Variants in JAZF1 observed in about 807,000 individuals in gnomAD.
JAZF1 encodes the protein juxtaposed with another zinc finger protein 1.
A neutral mutation model predicts 26.4 loss-of-function variants in JAZF1; 8 were observed. The ratio of observed to expected loss-of-function variants is 0.30; its 90% CI spans 0.18 to 0.55. The LOEUF is 0.55. Among genes scored for constraint, JAZF1 ranks in the 20% least tolerant of loss-of-function variants. The pLI, the probability that JAZF1 is intolerant of heterozygous loss-of-function variation, is 0.94. For missense variants in JAZF1, 199 were observed against 322.0 expected, an observed-to-expected ratio of 0.62 and a Z score of 2.92; for synonymous variants, 126 against 122.3, an observed-to-expected ratio of 1.03 and a Z score of -0.20.
chr7:28,013,696 A>C (rs896371964), intron 1 of JAZF1, among the ~76,000 whole-genome samples: 1 of 152,128 alleles, frequency 6.6e-6, no homozygotes, highest in Non-Finnish European at 1.5e-5. Flanking sequence ...AAGGATAGTA[A>C]TTCTATGAGG....
At chr7:28,102,246 CA>C (rs1784483385) in intron 1 of JAZF1, among the ~76,000 whole-genome samples, 1 of 152,226 alleles carries the variant, frequency 6.6e-6, no homozygotes, top group Admixed American at 6.5e-5. Flanking sequence ...AAGGTAACCA[CA>C]AGCAAATGTC....
intron 1 of JAZF1, among the ~76,000 whole-genome samples, chr7:28,096,019 G>C (rs898127219): frequency 5.9e-5 from 9 of 152,090 alleles, no homozygotes; most frequent in African/African-American, 1.9e-4. Context: ...CCCCTCAAAG[G>C]CTCCATCTCC....
intron 1 of JAZF1, among the ~76,000 whole-genome samples, chr7:28,160,595 A>G (rs549143593): frequency 1.1e-4 from 16 of 152,168 alleles, no homozygotes; most frequent in Admixed American, 1.3e-4. Context: ...GCCACAAAAC[A>G]TCGTTTTAGT....
At chr7:27,899,399 C>T (rs993956972) in intron 2 of JAZF1, among the ~76,000 whole-genome samples, 35 of 152,302 alleles carry the variant, frequency 2.3e-4, no homozygotes, top group Middle Eastern at 3.4e-3. Context: ...GTCTGGACAC[C>T]ACTGGTGATC....
intron 1 of JAZF1, among the ~76,000 whole-genome samples, chr7:28,088,639 G>C (rs1784245361): frequency 6.6e-6 from 1 of 152,094 alleles, no homozygotes; most frequent in Non-Finnish European, 1.5e-5. Context: ...TCCAACCCTT[G>C]TCCTAATATC....
intron 2 of JAZF1, among the ~76,000 whole-genome samples, chr7:27,923,730 C>T (rs963101415): frequency 6.6e-6 from 1 of 152,166 alleles, no homozygotes; most frequent in Non-Finnish European, 1.5e-5. Flanking sequence ...GAGGATTAGG[C>T]CAAACGTATT....
chr7:27,985,115 A>T (rs1445414578), intron 2 of JAZF1, among the ~76,000 whole-genome samples: 1 of 152,210 alleles, frequency 6.6e-6, no homozygotes, highest in African/African-American at 2.4e-5. Context: ...AGCAGAACTG[A>T]AGAAGATAGA....
At chr7:27,936,148 A>G (rs1784760875) in intron 2 of JAZF1, among the ~76,000 whole-genome samples, 1 of 152,258 alleles carries the variant, frequency 6.6e-6, no homozygotes, top group Admixed American at 6.5e-5. Flanking sequence ...TTAAAGAACA[A>G]GAAAAGATTT....
intron 4 of JAZF1, among the ~76,000 whole-genome samples, chr7:27,838,728 G>T (rs904107488): frequency 1.3e-5 from 2 of 152,242 alleles, no homozygotes; most frequent in African/African-American, 2.4e-5. Flanking sequence ...TCAGCTGCCA[G>T]CTTTGGGATG....
chr7:27,946,816 GAGGA>G (rs1443498078), intron 2 of JAZF1, among the ~76,000 whole-genome samples: 1 of 152,228 alleles, frequency 6.6e-6, no homozygotes, highest in Non-Finnish European at 1.5e-5. Context: ...ATCCAAAGGT[GAGGA>G]AGGGTTTTGT....
At chr7:28,005,177 G>A (rs370492614) in intron 1 of JAZF1, among the ~76,000 whole-genome samples, 4 of 152,146 alleles carry the variant, frequency 2.6e-5, no homozygotes, top group African/African-American at 7.2e-5. Flanking sequence ...TTCACAGTAT[G>A]TGCCTACAAT....
chr7:27,917,267 T>C (rs1441687913), intron 2 of JAZF1, among the ~76,000 whole-genome samples: 2 of 152,228 alleles, frequency 1.3e-5, no homozygotes, highest in African/African-American at 2.4e-5. Flanking sequence ...TTGCTTTCCA[T>C]GGAGGCACAG....
At chr7:28,034,735 C>T (rs1314978480) in intron 1 of JAZF1, among the ~76,000 whole-genome samples, 1 of 152,072 alleles carries the variant, frequency 6.6e-6, no homozygotes, top group Non-Finnish European at 1.5e-5. Context: ...AATTAAAATG[C>T]CATAATCCTT....
chr7:27,836,455 GC>G (rs780567577), intron 4 of JAZF1, among the ~76,000 whole-genome samples: 5 of 152,156 alleles, frequency 3.3e-5, no homozygotes, highest in Middle Eastern at 3.2e-3. Flanking sequence ...GCTGAGCTGG[GC>G]CATCCTGTCC....
intron 3 of JAZF1, among the ~76,000 whole-genome samples, chr7:27,845,200 C>A (rs572549740): frequency 1.3e-5 from 2 of 152,356 alleles, no homozygotes; most frequent in South Asian, 4.1e-4. Context: ...CAGGACAGGT[C>A]TTTGCAGTGT....
intron 3 of JAZF1, chr7:27,844,500 G>A (rs1401284291): frequency 6.6e-6 from 1 of 152,136 alleles, no homozygotes; most frequent in East Asian, 1.9e-4. Flanking sequence ...GCTTCTCCTA[G>A]CAACACCCTC....
At chr7:27,983,589 A>G (rs982368314) in intron 2 of JAZF1, among the ~76,000 whole-genome samples, 1 of 152,218 alleles carries the variant, frequency 6.6e-6, no homozygotes, top group African/African-American at 2.4e-5. Context: ...AAATTCAGGA[A>G]ATACAGAGAA....
chr7:28,114,011 A>C (rs1406759941), intron 1 of JAZF1, among the ~76,000 whole-genome samples: 1 of 152,232 alleles, frequency 6.6e-6, no homozygotes, highest in East Asian at 1.9e-4. Flanking sequence ...CCTTCCAAAA[A>C]TCTTTACTCC....
intron 3 of JAZF1, among the ~76,000 whole-genome samples, chr7:27,893,602 C>A (rs1784011441): frequency 6.6e-6 from 1 of 152,206 alleles, no homozygotes; most frequent in African/African-American, 2.4e-5. Context: ...TCAAAGGAAG[C>A]CTTTCCTGAC....
Sources: gnomAD v4.1 joint callset for allele counts (sites outside exome capture counted in the v4.1 genomes callset) on GRCh38, gnomAD v4.1.1 for gene constraint, MANE v1.5 for transcripts, NCBI Gene and HGNC (gene_info 2026-07-23, HGNC 2026-07-21) for gene names.